CARMIL1: variants seen among roughly 807,000 people sequenced by gnomAD.
CARMIL1 encodes capping protein regulator and myosin 1 linker 1.
CARMIL1 carries 90 observed loss-of-function variants against 177.1 expected under a neutral mutation model. The ratio of observed to expected loss-of-function variants is 0.51; its 90% CI spans 0.43 to 0.61. The LOEUF (loss-of-function observed/expected upper bound fraction) is 0.61, where lower values mean the gene tolerates loss of function less well. CARMIL1 is among the 20% of genes least tolerant of loss of function. CARMIL1 has a pLI of 0.00. For synonymous variants in CARMIL1, 577 were observed against 606.2 expected (o/e 0.95, Z 0.71); for missense variants, 1,380 against 1,667.0 (o/e 0.83, Z 3.00).
chr6:25,531,143 T>C (rs143698387), intron 24 of CARMIL1, among the ~76,000 whole-genome samples: 4 of 152,278 alleles, frequency 2.6e-5, no homozygotes, highest in Admixed American at 2.6e-4. Context: ...AAAATAAGTA[T>C]CCTATTTAAA....
intron 31 of CARMIL1, among the ~76,000 whole-genome samples, chr6:25,588,031 T>A (rs1246391984): frequency 6.6e-6 from 1 of 152,212 alleles, no homozygotes; most frequent in Non-Finnish European, 1.5e-5. Context: ...ATATAAATTT[T>A]AAAATACAGT....
chr6:25,371,098 C>A (rs371078183), intron 2 of CARMIL1, among the ~76,000 whole-genome samples: 1 of 152,168 alleles, frequency 6.6e-6, no homozygotes, highest in Non-Finnish European at 1.5e-5. Context: ...ATATTTCATT[C>A]TGTTTTATGT....
rs558091286 is a variant in CARMIL1, at chr6:25,453,445, G to A, written c.614+2734G>A. ...CTATCACACAAACACTTTACATTGA[G>A]ACAGTGATCCCTTTGATATATAGAG... On this transcript the variant is annotated intron_variant, in intron 8 of 36. Coordinates refer to ENST00000329474, the MANE Select transcript of CARMIL1 (RefSeq NM_017640.6). Among the ~76,000 whole-genome samples, 8 of 152,262 alleles carry A rather than the reference G, an allele frequency of 5.3e-5. No individual in the cohort carries two copies. The South Asian group carries it at 1.4e-3, about 28-fold the overall frequency.
At chr6:25,303,461 G>T (rs1783026277) in intron 2 of CARMIL1, among the ~76,000 whole-genome samples, 1 of 152,180 alleles carries the variant, frequency 6.6e-6, no homozygotes, top group African/African-American at 2.4e-5. Context: ...GGTGAGAAGT[G>T]CTCTGTGCTC....
At chr6:25,323,451 C>T (rs906162017) in intron 2 of CARMIL1, among the ~76,000 whole-genome samples, 4 of 150,924 alleles carry the variant, frequency 2.7e-5, no homozygotes, top group African/African-American at 9.7e-5. Context: ...GGCAAAAAAC[C>T]CCCCAGAATT....
intron 31 of CARMIL1, among the ~76,000 whole-genome samples, chr6:25,588,269 G>C (rs369530460): frequency 2.1e-4 from 32 of 152,286 alleles, no homozygotes; most frequent in African/African-American, 7.5e-4. Flanking sequence ...GCTACTATAT[G>C]AGATAAACCT....
intron 34 of CARMIL1, among the ~76,000 whole-genome samples, chr6:25,605,109 G>A (rs1353478384): frequency 6.6e-6 from 1 of 152,128 alleles, no homozygotes; most frequent in Non-Finnish European, 1.5e-5. Flanking sequence ...CCTGGACAGG[G>A]CACTTTTTGA....
chr6:25,361,081 G>A (rs1414004312), intron 2 of CARMIL1, among the ~76,000 whole-genome samples: 2 of 152,084 alleles, frequency 1.3e-5, no homozygotes, highest in Non-Finnish European at 2.9e-5. Context: ...TATGTTAGGG[G>A]CTTATGATAA....
At chr6:25,428,877 C>T (rs1581908987) in intron 4 of CARMIL1, among the ~76,000 whole-genome samples, 1 of 152,142 alleles carries the variant, frequency 6.6e-6, no homozygotes, top group Non-Finnish European at 1.5e-5. Context: ...ACCTTATATC[C>T]TGTAACCTGC....
intron 2 of CARMIL1, among the ~76,000 whole-genome samples, chr6:25,391,208 A>G (rs1483928077): frequency 6.6e-6 from 1 of 152,222 alleles, no homozygotes. Flanking sequence ...TTCACTAATA[A>G]TCCACTAATG....
intron 2 of CARMIL1, among the ~76,000 whole-genome samples, chr6:25,313,134 T>C (rs1448703729): frequency 6.6e-6 from 1 of 152,182 alleles, no homozygotes; most frequent in Non-Finnish European, 1.5e-5. Flanking sequence ...CCTCCCATAA[T>C]TTTATTTTGA....
chr6:25,543,470 GT>G (rs907842954), intron 26 of CARMIL1, among the ~76,000 whole-genome samples: 3 of 152,058 alleles, frequency 2.0e-5, no homozygotes, highest in African/African-American at 7.2e-5. Flanking sequence ...ACACTCCCCT[GT>G]TTTCCCTCTT....
intron 2 of CARMIL1, among the ~76,000 whole-genome samples, chr6:25,335,809 GA>G: frequency 6.6e-6 from 1 of 152,216 alleles, no homozygotes; most frequent in Admixed American, 6.5e-5. Context: ...CTGGCATCCA[GA>G]TTTTTGTTTA....
intron 2 of CARMIL1, among the ~76,000 whole-genome samples, chr6:25,339,900 C>G (rs889867087): frequency 6.6e-6 from 1 of 152,158 alleles, no homozygotes; most frequent in African/African-American, 2.4e-5. Flanking sequence ...CTGGCACATA[C>G]TCAGTACGTG....
rs372177933 is a variant in CARMIL1 at position 25,442,618 on chromosome 6, ATAGATAAGAAACAGTTCCTACCT to A, written c.371+7016_371+7038del. Reference sequence around the variant, plus strand: ...TATTATTTCTGTGCACAGTGTTAGCATAGATAAGAAACAGTTCCTACCTTCTGGAAATTTAGTTTTTACAACTT... The same window carrying A: ...TATTATTTCTGTGCACAGTGTTAGCATCTGGAAATTTAGTTTTTACAACTT... On this transcript the variant is annotated intron_variant, in intron 5 of 36. Coordinates refer to ENST00000329474, the MANE Select transcript of CARMIL1 (RefSeq NM_017640.6). Among the ~76,000 whole-genome samples the A allele has an allele frequency of 6.9e-3, 1,055 of 152,216 alleles. 7 individuals are homozygous for A. The highest frequency in any genetic ancestry group is 0.022 in the African/African-American group (900 of 41,518).
Position 25,395,806 on chromosome 6 carries a change from A to T in CARMIL1, c.139-24308A>T, listed in dbSNP as rs568422100. Among the ~76,000 whole-genome samples the T allele has an allele frequency of 5.9e-5, 9 of 152,326 alleles. No homozygotes were observed. In the South Asian group the frequency reaches 1.4e-3, roughly 25 times the overall value. On this transcript the variant is annotated intron_variant, in intron 2 of 36. Coordinates refer to ENST00000329474, the MANE Select transcript of CARMIL1 (RefSeq NM_017640.6). Reference sequence around the variant, plus strand: ...ATGAGAAAATTGCGTTTGTCTTCCTATTGAGGTAAGACATAAGCAAGTGGA... The same window carrying T: ...ATGAGAAAATTGCGTTTGTCTTCCTTTTGAGGTAAGACATAAGCAAGTGGA...
intron 26 of CARMIL1, among the ~76,000 whole-genome samples, chr6:25,542,141 T>C (rs1484109149): frequency 6.6e-6 from 1 of 152,240 alleles, no homozygotes; most frequent in Admixed American, 6.5e-5. Flanking sequence ...GCATGAAACA[T>C]TTGTAATAGG....
intron 36 of CARMIL1, among the ~76,000 whole-genome samples, chr6:25,617,157 G>A (rs1759338938): frequency 1.3e-5 from 2 of 152,190 alleles, no homozygotes; most frequent in Admixed American, 1.3e-4. Context: ...GAAGCCTGGT[G>A]TCAGTGACTC....
At chr6:25,426,649 C>A in intron 4 of CARMIL1, 89 bp downstream of exon 4, 1 of 1,235,174 alleles carries the variant, frequency 8.1e-7, no homozygotes, top group Admixed American at 2.0e-5. Flanking sequence ...TGTGGATAAA[C>A]AAGGTTAGGG....
Sources: allele counts gnomAD v4.1 joint callset (sites outside exome capture counted in the v4.1 genomes callset), GRCh38; gene constraint gnomAD v4.1.1; transcripts MANE v1.5; gene names NCBI Gene and HGNC (gene_info 2026-07-23, HGNC 2026-07-21).